Variants in GALNT1 observed in about 807,000 individuals in gnomAD.
GALNT1 encodes GalNAc transferase 1.
Under a neutral mutation model 65.7 loss-of-function variants are expected in GALNT1, and 17 were observed. The ratio of observed to expected loss-of-function variants is 0.26; its 90% CI spans 0.18 to 0.39. The LOEUF (loss-of-function observed/expected upper bound fraction) is 0.39. Among genes scored for constraint, GALNT1 ranks in the 10% least tolerant of loss-of-function variants. The pLI, the probability that GALNT1 is intolerant of heterozygous loss-of-function variation, is 1.00. For synonymous variants in GALNT1, 210 were observed against 219.7 expected, an observed-to-expected ratio of 0.96 and a Z score of 0.39; for missense variants, 460 against 672.8, an observed-to-expected ratio of 0.68 and a Z score of 3.50.
intron 9 of GALNT1, among the ~76,000 whole-genome samples, chr18:35,700,654 C>CTCTT (rs1467969754): frequency 4.6e-5 from 7 of 152,136 alleles, no homozygotes; most frequent in African/African-American, 1.7e-4. Flanking sequence ...ATGTACAAAT[C>CTCTT]TCTTACAAAA....
intron 1 of GALNT1, among the ~76,000 whole-genome samples, chr18:35,601,541 A>G (rs1412595772): frequency 6.6e-6 from 1 of 151,624 alleles, no homozygotes; most frequent in East Asian, 1.9e-4. Flanking sequence ...TTTATTTGAA[A>G]TCTTTCTACT....
intron 1 of GALNT1, among the ~76,000 whole-genome samples, chr18:35,583,905 A>T (rs2046351803): frequency 6.6e-6 from 1 of 152,222 alleles, no homozygotes; most frequent in African/African-American, 2.4e-5. Context: ...TTTAACTAAT[A>T]TAATAATAAT....
At chr18:35,626,842 G>C (rs1270869665) in intron 1 of GALNT1, among the ~76,000 whole-genome samples, 1 of 152,302 alleles carries the variant, frequency 6.6e-6, no homozygotes, top group Non-Finnish European at 1.5e-5. Context: ...AATAGCCAAA[G>C]GTTGAAAAGT....
At chr18:35,607,243 GAA>G (rs1339838458) in intron 1 of GALNT1, among the ~76,000 whole-genome samples, 5 of 152,214 alleles carry the variant, frequency 3.3e-5, no homozygotes, top group East Asian at 1.9e-4. Context: ...TGAGGGTGGA[GAA>G]AAAAGAGAGA....
chr18:35,656,618 A>G (rs565900540), intron 2 of GALNT1, among the ~76,000 whole-genome samples: 162 of 152,350 alleles, frequency 1.1e-3, no homozygotes, highest in Non-Finnish European at 2.0e-3. Context: ...ACAAGAGCAC[A>G]GGAGGTGGCA....
intron 1 of GALNT1, among the ~76,000 whole-genome samples, chr18:35,634,638 C>T (rs1300190534): frequency 5.3e-5 from 8 of 152,156 alleles, no homozygotes; most frequent in Non-Finnish European, 1.0e-4. Flanking sequence ...AGAGTCAGTG[C>T]CCGAGATTTT....
At chr18:35,686,522 CAG>C (rs1349400252) in intron 5 of GALNT1, among the ~76,000 whole-genome samples, 1 of 152,102 alleles carries the variant, frequency 6.6e-6, no homozygotes, top group Non-Finnish European at 1.5e-5. Flanking sequence ...ACTAGTGAAA[CAG>C]GGTAGGGTCT....
intron 1 of GALNT1, among the ~76,000 whole-genome samples, chr18:35,608,346 A>C (rs550271275): frequency 6.6e-6 from 1 of 152,298 alleles, no homozygotes; most frequent in South Asian, 2.1e-4. Flanking sequence ...GATTTCTAAG[A>C]ATTTTGCCAA....
intron 1 of GALNT1, among the ~76,000 whole-genome samples, chr18:35,586,676 A>G (rs889899165): frequency 2.0e-5 from 3 of 152,130 alleles, no homozygotes; most frequent in Non-Finnish European, 2.9e-5. Context: ...CCATTCCTTG[A>G]AAAGGCTGTC....
At chr18:35,655,514 T>C (rs548797977) in intron 2 of GALNT1, among the ~76,000 whole-genome samples, 89 of 151,238 alleles carry the variant, frequency 5.9e-4, no homozygotes, top group African/African-American at 2.0e-3. Flanking sequence ...TTTTTTTTTT[T>C]GTTTTTAACC....
chr18:35,605,475 G>A (rs954641469), intron 1 of GALNT1, among the ~76,000 whole-genome samples: 1 of 149,408 alleles, frequency 6.7e-6, no homozygotes, highest in Non-Finnish European at 1.5e-5. Context: ...TCCAGTCTGG[G>A]CCCAGACTCT....
chr18:35,613,067 A>G (rs573749765), intron 1 of GALNT1, among the ~76,000 whole-genome samples: 1 of 152,270 alleles, frequency 6.6e-6, no homozygotes, highest in African/African-American at 2.4e-5. Flanking sequence ...TCCCTACCTG[A>G]CTACTCAATT....
At chr18:35,624,865 T>C (rs954851934) in intron 1 of GALNT1, among the ~76,000 whole-genome samples, 2 of 152,218 alleles carry the variant, frequency 1.3e-5, no homozygotes, top group African/African-American at 4.8e-5. Flanking sequence ...GGCATTTTTA[T>C]TTATTTACTA....
intron 1 of GALNT1, among the ~76,000 whole-genome samples, chr18:35,587,340 T>A (rs1310206599): frequency 1.3e-5 from 2 of 152,214 alleles, no homozygotes; most frequent in African/African-American, 4.8e-5. Flanking sequence ...GCACACTTTT[T>A]CTTGCCTTTT....
intron 1 of GALNT1, among the ~76,000 whole-genome samples, chr18:35,648,327 A>G (rs2047263734): frequency 6.6e-6 from 1 of 152,216 alleles, no homozygotes; most frequent in Non-Finnish European, 1.5e-5. Flanking sequence ...ATGATTTTGC[A>G]CAACTATATG....
In GALNT1 at chr18:35,683,527, C is replaced by T; in HGVS notation, c.618C>T (p.Thr206=). The stretch of plus-strand genomic sequence containing the variant: ...CTGTGTCTAAAGGCCAAGTGATCAC[C>T]TTCCTGGATGCCCATTGTGAGTGTA... ...GAAVSKGQVI[T]FLDAHCECTV... is the part of the protein sequence containing the mutation. The change falls in exon 5 of 12, where the codon ACC becomes ACT. Residue 206 remains threonine, a synonymous_variant. Transcript: ENST00000269195. 1 of 1,613,874 alleles carries T rather than the reference C, an allele frequency of 6.2e-7. No homozygotes were observed. Among genetic ancestry groups the T allele is most frequent in the East Asian group, 2.2e-5 (1 of 44,872 alleles).
At chr18:35,612,588 CG>C (rs1568015595) in intron 1 of GALNT1, among the ~76,000 whole-genome samples, 2 of 152,106 alleles carry the variant, frequency 1.3e-5, no homozygotes, top group African/African-American at 4.8e-5. Context: ...CTTTCTAGGC[CG>C]GGCGTGGTGC....
At chr18:35,597,249 A>T (rs1036969898) in intron 1 of GALNT1, 5 of 152,136 alleles carry the variant, frequency 3.3e-5, no homozygotes, top group African/African-American at 1.2e-4. Context: ...GAGAGTAGGG[A>T]TTTATAGTAT....
intron 1 of GALNT1, among the ~76,000 whole-genome samples, chr18:35,654,004 A>C (rs2144387955): frequency 6.6e-6 from 1 of 152,336 alleles, no homozygotes; most frequent in South Asian, 2.1e-4. Context: ...AAGCTGCTGT[A>C]GTGCAGGCTA....
Sources: gnomAD v4.1 joint callset for allele counts (sites outside exome capture counted in the v4.1 genomes callset) on GRCh38, gnomAD v4.1.1 for gene constraint, MANE v1.5 for transcripts, NCBI Gene and HGNC (gene_info 2026-07-23, HGNC 2026-07-21) for gene names.